Variants in VRK3 observed in about 807,000 individuals in gnomAD.
VRK3 encodes serine/threonine-protein kinase VRK3.
Under a neutral mutation model 60.4 loss-of-function variants are expected in VRK3, and 50 were observed. The observed-to-expected ratio is 0.83, with a 90% CI of 0.66 to 1.05. The LOEUF (loss-of-function observed/expected upper bound fraction) is 1.05. VRK3 is among the 50% of genes least tolerant of loss of function. VRK3 has a pLI of 0.00. For missense variants in VRK3, 549 were observed against 585.3 expected (o/e 0.94, Z 0.64); for synonymous variants, 246 against 227.8 (o/e 1.08, Z -0.72).
At chr19:49,990,690 G>A (rs1423340309) in intron 10 of VRK3, among the ~76,000 whole-genome samples, 1 of 152,022 alleles carries the variant, frequency 6.6e-6, no homozygotes, top group Non-Finnish European at 1.5e-5. Context: ...ATGGATAGTG[G>A]ACAACTGTTG....
chr19:49,996,313 T>C (rs1377405954), intron 7 of VRK3, among the ~76,000 whole-genome samples: 1 of 152,054 alleles, frequency 6.6e-6, no homozygotes, highest in Non-Finnish European at 1.5e-5. Flanking sequence ...GGCCTCCGCC[T>C]CCAAAAGTGT....
rs1275896835 is a variant in VRK3 at position 49,989,730 on chromosome 19, T to C, written c.1005A>G (p.Pro335=). 6.2e-7 allele frequency: 1 copy of C among 1,613,740 alleles called. No individual in the cohort carries two copies. Among genetic ancestry groups the C allele is most frequent in the East Asian group, 2.2e-5 (1 of 44,876 alleles). ...AGYGFAFRYC[P]SGKHVAYVEG... ...CCACGTAGGCCACGTGTTTGCCACT[T>C]GGGCAATAGCGGAAGGCGAAGCCAT... is the stretch of plus-strand genomic sequence containing the variant. The change falls in exon 11 of 15, where the codon CCA becomes CCG. Residue 335 remains proline, a synonymous_variant. Transcript: ENST00000316763.
At chr19:49,991,601 T>C (rs1166640616) in intron 10 of VRK3, among the ~76,000 whole-genome samples, 2 of 152,198 alleles carry the variant, frequency 1.3e-5, no homozygotes, top group African/African-American at 2.4e-5. Flanking sequence ...TCCAGGATTT[T>C]CATCTGGGAT....
At chr19:50,023,842 G>GAAT (rs2077212725) in intron 1 of VRK3, among the ~76,000 whole-genome samples, 1 of 152,304 alleles carries the variant, frequency 6.6e-6, no homozygotes, top group South Asian at 2.1e-4. Flanking sequence ...TAGCTGGATG[G>GAAT]TCCCTAAAAA....
intron 13 of VRK3, among the ~76,000 whole-genome samples, chr19:49,980,013 G>A (rs928514285): frequency 2.6e-5 from 4 of 152,136 alleles, no homozygotes; most frequent in African/African-American, 7.2e-5. Context: ...TCACGCCACC[G>A]CACTCCAGCC....
chr19:50,000,597 A>C (rs2076787037), intron 6 of VRK3, 193 bp downstream of exon 6: 6 of 637,486 alleles, frequency 9.4e-6, no homozygotes, highest in Non-Finnish European at 1.4e-5. Flanking sequence ...GGTGGATCCA[A>C]CTGTGGGTTT....
chr19:50,011,140 C>T (rs1368534830), intron 3 of VRK3, among the ~76,000 whole-genome samples: 1 of 152,072 alleles, frequency 6.6e-6, no homozygotes, highest in Non-Finnish European at 1.5e-5. Flanking sequence ...TCTCCTGCAC[C>T]CCAATAAAAC....
Position 50,000,819 on chromosome 19 carries a change from G to A in VRK3, c.583C>T (p.Pro195Ser). Reference protein sequence around the residue: ...PTSTLTCDSGPQKQKFSLKLD... With the variant: ...PTSTLTCDSGSQKQKFSLKLD... ...TTGAGTGAGAACTTTTGCTTCTGTG[G>A]TCCTGAGTCACAGGTGAGGGTGGAG... Residue 195 changes from proline to serine, a missense_variant, in exon 6 of 15, where the codon CCA becomes TCA. By Grantham distance (74) the Pro-to-Ser change is moderately conservative. Coordinates refer to ENST00000316763, the MANE Select transcript of VRK3 (RefSeq NM_016440.4). 1 of 1,613,958 alleles carries A rather than the reference G, an allele frequency of 6.2e-7. No homozygotes were observed. The highest frequency in any genetic ancestry group is 1.1e-5 in the South Asian group (1 of 91,042).
rs2076922610 is a variant in VRK3 at position 50,007,758 on chromosome 19, T to G, written c.358A>C (p.Arg120=). ...CAGCTGGTCTTCTGAGGGCTACCCC[T>G]GGTCACCTGAGGGCTCTTCCTGGTC... The part of the protein sequence containing the change: ...QKTRKSPQVT[R]GSPQKTSCSP... Residue 120 remains arginine, a synonymous_variant, in exon 5 of 15, where the codon AGG becomes CGG. Transcript: ENST00000316763. 3 of 1,613,928 alleles carry G rather than the reference T, an allele frequency of 1.9e-6. No homozygotes were observed. Among genetic ancestry groups the G allele is most frequent in the Non-Finnish European group, 2.5e-6 (3 of 1,180,032 alleles).
intron 12 of VRK3, among the ~76,000 whole-genome samples, chr19:49,982,509 TA>T (rs2076440965): frequency 6.6e-6 from 1 of 152,198 alleles, no homozygotes; most frequent in South Asian, 2.1e-4. Flanking sequence ...TATCATTAAC[TA>T]AACAGTGAAA....
chr19:50,011,993 C>T (rs1210368202), intron 3 of VRK3, among the ~76,000 whole-genome samples: 1 of 144,604 alleles, frequency 6.9e-6, no homozygotes, highest in African/African-American at 2.6e-5. Context: ...TTTTTTGAGA[C>T]GGAGTTTTGC....
chr19:50,017,808 C>T (rs2077102321), intron 2 of VRK3, among the ~76,000 whole-genome samples: 1 of 152,010 alleles, frequency 6.6e-6, no homozygotes, highest in Admixed American at 6.6e-5. Flanking sequence ...TAGGTATGTG[C>T]CACCACAACT....
rs550549740 is a variant in VRK3, at chr19:50,002,424, G to C, written c.548-1570C>G. On this transcript the variant is annotated intron_variant, in intron 5 of 14. Transcript: ENST00000316763. The stretch of plus-strand genomic sequence containing the variant: ...CCAGCTGTGGGGAGAGCACTGGGGG[G>C]ATCATGCTGGAGCAGGCTGTGACAT... 9.2e-5 allele frequency among the ~76,000 whole-genome samples: 14 copies of C among 152,220 alleles called. No homozygotes were observed. The South Asian group carries it at 2.9e-3, about 32-fold the overall frequency.
intron 3 of VRK3, among the ~76,000 whole-genome samples, chr19:50,009,859 T>C (rs1211033085): frequency 6.6e-6 from 1 of 152,156 alleles, no homozygotes; most frequent in Non-Finnish European, 1.5e-5. Flanking sequence ...CAGACTGGTT[T>C]TGAACTCCTG....
chr19:49,976,747 A>AT lies in VRK3; in HGVS notation c.*48dup, dbSNP rs35937899. The AT allele has an allele frequency of 1.7e-4, 26 of 149,472 alleles. No homozygotes were observed. The highest frequency in any genetic ancestry group is 2.9e-4 in the African/African-American group (12 of 40,956). The allele number at this position is 149,472 out of a possible 1,614,324, so 9.3% of individuals were successfully genotyped here. A position where few individuals can be genotyped will look rare whatever the true frequency, so the allele number is the denominator to read the frequency against. On this transcript the variant is annotated 3_prime_UTR_variant, in exon 15 of 15. Transcript: ENST00000316763. Reference sequence around the variant, plus strand: ...AGCAGGCCTTGAGTCACATTACTTCATTTTTTTTTTTCTGTTGCACACTGC... The same window carrying AT: ...AGCAGGCCTTGAGTCACATTACTTCATTTTTTTTTTTTCTGTTGCACACTGC...
intron 10 of VRK3, 136 bp from the exon 11 acceptor site, chr19:49,989,907 T>C (rs2076581396): frequency 1.9e-6 from 2 of 1,058,418 alleles, no homozygotes; most frequent in South Asian, 4.5e-5. Context: ...GGCATGCTCA[T>C]AGTAAAAATG....
intron 12 of VRK3, among the ~76,000 whole-genome samples, chr19:49,981,414 G>A (rs370504424): frequency 1.2e-3 from 189 of 152,254 alleles, no homozygotes; most frequent in African/African-American, 4.3e-3. Context: ...GTGTGGTGGC[G>A]GGTGCCTGTG....
At chr19:49,983,092 G>A (rs1234644488) in intron 12 of VRK3, among the ~76,000 whole-genome samples, 1 of 152,012 alleles carries the variant, frequency 6.6e-6, no homozygotes, top group African/African-American at 2.4e-5. Flanking sequence ...GGACCCAGAG[G>A]GTCTCTTTAC....
At chr19:49,977,028 T>C (rs555420149) in intron 14 of VRK3, among the ~76,000 whole-genome samples, 1 of 152,108 alleles carries the variant, frequency 6.6e-6, no homozygotes, top group African/African-American at 2.4e-5. Flanking sequence ...GGAAAACAGG[T>C]GACATGATGA....
Sources: allele counts gnomAD v4.1 joint callset (sites outside exome capture counted in the v4.1 genomes callset), GRCh38; gene constraint gnomAD v4.1.1; transcripts MANE v1.5; gene names NCBI Gene and HGNC (gene_info 2026-07-23, HGNC 2026-07-21).